The following LRP1 variants were observed in gnomAD, a reference collection of about 807,000 sequenced individuals.
The protein encoded by LRP1 is LDL receptor related protein 1.
Under a neutral mutation model 541.5 loss-of-function variants are expected in LRP1, and 51 were observed. That is an observed-to-expected ratio of 0.09 (90% CI 0.08 to 0.12). The LOEUF is 0.12. Ranked by LOEUF, LRP1 falls within the 10% of genes least tolerant of loss-of-function variation. LRP1 has a pLI of 1.00. For missense variants in LRP1, 3,878 were observed against 6,376.2 expected (o/e 0.61, Z 13.34); for synonymous variants, 2,219 against 2,470.8 (o/e 0.90, Z 3.02).
At chr12:57,167,156 T>C in intron 18 of LRP1, 110 bp downstream of exon 18, 1 of 854,476 alleles carries the variant, frequency 1.2e-6, no homozygotes, top group Non-Finnish European at 1.9e-6. Flanking sequence ...TGGGTGGCCT[T>C]GAGTGAGTTA....
At position 57,211,210 on chromosome 12, in the gene LRP1, A is replaced by G; in HGVS notation, c.12951A>G (p.Thr4317=). 6.2e-7 allele frequency: 1 copy of G among 1,614,262 alleles called. No individual in the cohort carries two copies. The highest frequency in any genetic ancestry group is 2.2e-5 in the East Asian group (1 of 44,890). The change falls in exon 84 of 89, where the codon ACA becomes ACG. Residue 4317 remains threonine (T), a synonymous_variant. Coordinates refer to ENST00000243077, the MANE Select transcript of LRP1 (RefSeq NM_002332.3). This position sits in a 1 kb window ranked among gnomAD's most constrained non-coding sequence, Gnocchi z 4.3. ...CTGGCTACTGTGAGAACTTTGGCAC[A>G]TGCCAGATGGCTGCTGATGGCTCCC... ...QCSGYCENFG[T]CQMAADGSRQ...
intron 1 of LRP1, among the ~76,000 whole-genome samples, chr12:57,132,977 C>T (rs561465942): frequency 6.6e-6 from 1 of 152,294 alleles, no homozygotes; most frequent in African/African-American, 2.4e-5. Flanking sequence ...TCTTCTTCCC[C>T]CTCCACTAAT....
chr12:57,203,836 G>A (rs1249512207), intron 70 of LRP1: 9 of 342,164 alleles, frequency 2.6e-5, no homozygotes, highest in Admixed American at 4.7e-5. Context: ...AAGTCCCTCC[G>A]AGACAGTCTG....
At position 57,129,111 on chromosome 12, in the gene LRP1, G is replaced by A. The variant is rs34660894; in HGVS notation, c.67+80G>A. 2,832 of 1,378,286 alleles carry A rather than the reference G, an allele frequency of 2.1e-3. 45 individuals are homozygous for A. The African/African-American group carries it at 0.035, about 17-fold the overall frequency. The allele number at this position is 1,378,286 out of a possible 1,614,324, so 85.4% of individuals were successfully genotyped here. On this transcript the variant is annotated intron_variant, in intron 1 of 88. Coordinates refer to ENST00000243077, the MANE Select transcript of LRP1 (RefSeq NM_002332.3). ...CCCACTCCTGCATACGGATGGGGAA[G>A]GGAGACGCGGGAGGGGGTGCCTTTT...
At chr12:57,133,189 A>G (rs555630448) in intron 1 of LRP1, among the ~76,000 whole-genome samples, 34 of 152,200 alleles carry the variant, frequency 2.2e-4, no homozygotes, top group African/African-American at 6.7e-4. Flanking sequence ...TCTGGTGAGC[A>G]TAAGCTGTGT....
chr12:57,173,734 G>T lies in LRP1; in HGVS notation c.3347-46G>T, dbSNP rs535568697. ...GGGTCTGGAAGGAAGGGCAGGGGGA[G>T]CCCCAGTCCCCGGGCCTGGGCCCTC... On this transcript the variant is annotated intron_variant, in intron 21 of 88. Coordinates refer to ENST00000243077, the MANE Select transcript of LRP1 (RefSeq NM_002332.3). This position sits in a 1 kb window ranked among gnomAD's most constrained non-coding sequence, Gnocchi z 4.7. 78 of 1,593,576 alleles carry T rather than the reference G, an allele frequency of 4.9e-5. No individual in the cohort carries two copies. The highest frequency in any genetic ancestry group is 6.6e-5 in the Non-Finnish European group (77 of 1,161,788).
Position 57,200,830 on chromosome 12 carries a change from G to A in LRP1, c.10225+15G>A, listed in dbSNP as rs200587754. 129 of 1,291,234 alleles carry A rather than the reference G, an allele frequency of 1.0e-4. 1 individual carries two copies. In the African/African-American group the frequency reaches 1.3e-3, roughly 13 times the overall value. 80.0% of individuals were successfully genotyped at this position (1,291,234 alleles called of 1,614,324 possible). ...GGCCAACTGTGGTAAGGCGCTGCCC[G>A]CCCACCCTCCCTCCTTCCCCAGCAT... is the stretch of plus-strand genomic sequence containing the variant. On this transcript the variant is annotated intron_variant, in intron 64 of 88. Coordinates refer to ENST00000243077, the MANE Select transcript of LRP1 (RefSeq NM_002332.3).
chr12:57,204,606 G>C lies in LRP1; in HGVS notation c.11072-21G>C, dbSNP rs764032417. 5 of 1,613,124 alleles carry C rather than the reference G, an allele frequency of 3.1e-6. No homozygotes were observed. Among genetic ancestry groups the C allele is most frequent in the Non-Finnish European group, 8.5e-7 (1 of 1,179,512 alleles). ...CACTCCCAAGACTAATTCTGGCTCT[G>C]TGTCCCCCTGGCTGCTGCAGCCCGG... On this transcript the variant is annotated intron_variant, in intron 71 of 88. Coordinates refer to ENST00000243077, the MANE Select transcript of LRP1 (RefSeq NM_002332.3). The surrounding 1 kb of genome is among the most constrained non-coding windows in gnomAD (Gnocchi z 5.3).
At chr12:57,148,903 C>A (rs533634052) in intron 6 of LRP1, 18 of 545,252 alleles carry the variant, frequency 3.3e-5, no homozygotes, top group Non-Finnish European at 5.2e-5. Context: ...AGCAAGGTTG[C>A]GAAATGGGTC....
Position 57,194,022 on chromosome 12 carries a change from G to T in LRP1, c.7918+10G>T. 6.2e-7 allele frequency: 1 copy of T among 1,610,954 alleles called. No homozygotes were observed. Among genetic ancestry groups the T allele is most frequent in the Non-Finnish European group, 8.5e-7 (1 of 1,177,310 alleles). The stretch of plus-strand genomic sequence containing the variant: ...GATGAGATGAACTGCAGTGAGTGAC[G>T]CCCTTTGCTGGCACCTCCTGGGCTC... On this transcript the variant is annotated intron_variant, in intron 48 of 88. Coordinates refer to ENST00000243077, the MANE Select transcript of LRP1 (RefSeq NM_002332.3).
At position 57,141,407 on chromosome 12, in the gene LRP1, A is replaced by G; in HGVS notation, c.224A>G (p.Asn75Ser). The change falls in exon 3 of 89, where the codon AAC becomes AGC. Residue 75 changes from asparagine (N) to serine (S), a missense_variant. By Grantham distance (46) the Asn-to-Ser change is conservative (BLOSUM62 1). This residue lies in a region of LRP1 where 293 missense variants were observed against 403.7 expected (regional missense o/e 0.73). Transcript: ENST00000243077. ...PQSKAQRCQP[N>S]EHNCLGTELC... is the part of the protein sequence containing the mutation. ...AGTAAGGCCCAGCGATGCCAGCCAA[A>G]CGAGCATAACTGCCTGGGTACTGAG... 6.2e-7 allele frequency: 1 copy of G among 1,614,140 alleles called. No individual in the cohort carries two copies. The highest frequency in any genetic ancestry group is 8.5e-7 in the Non-Finnish European group (1 of 1,180,020).
intron 3 of LRP1, 114 bp downstream of exon 3, chr12:57,141,625 G>C: frequency 7.5e-7 from 1 of 1,338,682 alleles, no homozygotes; most frequent in Non-Finnish European, 1.0e-6. Context: ...CTGGTCCCCT[G>C]CCTAGATTTA....
chr12:57,138,055 A>G lies in LRP1; in HGVS notation c.68-404A>G, dbSNP rs35300671. Among the ~76,000 whole-genome samples the G allele has an allele frequency of 8.9e-3, 1,360 of 152,244 alleles. 22 individuals are homozygous for G. Among genetic ancestry groups the G allele is most frequent in the African/African-American group, 0.031 (1,299 of 41,514 alleles). The stretch of plus-strand genomic sequence containing the variant: ...TAGATAAGACCAGCTCGGGGCCTCT[A>G]GTAGTAGGAGTTAGAGGAAGACAAA... On this transcript the variant is annotated intron_variant, in intron 1 of 88. Coordinates refer to ENST00000243077, the MANE Select transcript of LRP1 (RefSeq NM_002332.3).
Position 57,198,198 on chromosome 12 carries a change from G to A in LRP1, c.9325G>A (p.Val3109Met). ...TGLSNPDGLA[V>M]DWVGGNLYWC... ...CCTCAGCAACCCCGATGGGCTGGCT[G>A]TGGACTGGGTGGGTGGCAACCTGTA... The change falls in exon 59 of 89, where the codon GTG (valine) becomes ATG (methionine). Residue 3109 changes from valine (V) to methionine (M), a missense_variant. Val to Met is a conservative substitution (Grantham distance 21). Around this residue, in one of 13 missense-constraint regions of LRP1, gnomAD observed 1,100 missense variants for 1,827.4 expected, o/e 0.60. Transcript: ENST00000243077. 1 of 1,613,254 alleles carries A rather than the reference G, an allele frequency of 6.2e-7. No individual in the cohort carries two copies. Among genetic ancestry groups the A allele is most frequent in the Non-Finnish European group, 8.5e-7 (1 of 1,179,860 alleles).
At chr12:57,194,554 C>T in intron 49 of LRP1, 23 bp from the exon 50 acceptor site, 2 of 1,612,684 alleles carry the variant, frequency 1.2e-6, no homozygotes, top group Non-Finnish European at 1.7e-6. Context: ...GAGCAGGGCC[C>T]TCACACCTGC....
intron 6 of LRP1, chr12:57,149,930 T>A (rs2035494725): frequency 1.7e-6 from 1 of 605,696 alleles, no homozygotes; most frequent in Admixed American, 2.7e-5. Context: ...GACTGTCCTC[T>A]CCCACTGTCT....
At chr12:57,143,641 T>TGGC (rs2035340947) in intron 3 of LRP1, 38 bp from the exon 4 acceptor site, 19 of 1,595,194 alleles carry the variant, frequency 1.2e-5, no homozygotes, top group Non-Finnish European at 1.5e-5. Context: ...CTGCCAGATC[T>TGGC]GGCGGCCTGA....
Position 57,206,066 on chromosome 12 carries a change from C to G in LRP1, c.11590+389C>G, listed in dbSNP as rs34022740. Among the ~76,000 whole-genome samples the G allele has an allele frequency of 0.035, 5,294 of 152,282 alleles. 248 individuals are homozygous for G. Among genetic ancestry groups the G allele is most frequent in the African/African-American group, 0.1 (4,250 of 41,532 alleles). On this transcript the variant is annotated intron_variant, in intron 75 of 88. Coordinates refer to ENST00000243077, the MANE Select transcript of LRP1 (RefSeq NM_002332.3). This position sits in a 1 kb window ranked among gnomAD's most constrained non-coding sequence, Gnocchi z 4.7. Reference sequence around the variant, plus strand: ...GACATTCACACACACCCCTGGCACACACACCCCCACCATGCACTCCCATGC... The same window carrying G: ...GACATTCACACACACCCCTGGCACAGACACCCCCACCATGCACTCCCATGC...
chr12:57,178,614 C>G lies in LRP1; in HGVS notation c.4606+11C>G, dbSNP rs372838004. ...CCCGCCAGCCCATGGGTAAGGGGCT[C>G]GGGGCCTCGAGCAGCCGGAAGGGAG... On this transcript the variant is annotated intron_variant, in intron 27 of 88. Coordinates refer to ENST00000243077, the MANE Select transcript of LRP1 (RefSeq NM_002332.3). This position sits in a 1 kb window ranked among gnomAD's most constrained non-coding sequence, Gnocchi z 5.8. 9.9e-6 allele frequency: 16 copies of G among 1,613,714 alleles called. No homozygotes were observed. Among genetic ancestry groups the G allele is most frequent in the Non-Finnish European group, 1.0e-5 (12 of 1,179,846 alleles).
Sources: gnomAD v4.1 joint callset for allele counts (sites outside exome capture counted in the v4.1 genomes callset) on GRCh38, gnomAD v4.1.1 for gene constraint, gnomAD v4.1.1 regional missense constraint, Gnocchi (gnomAD v3.1) non-coding constraint, MANE v1.5 for transcripts, NCBI Gene and HGNC (gene_info 2026-07-23, HGNC 2026-07-21) for gene names.